TMEM217: variants seen among roughly 807,000 people sequenced by gnomAD.
TMEM217 encodes the protein chromosome 6 open reading frame 128.
For missense variants in TMEM217, 204 were observed against 248.8 expected (o/e 0.82, Z 1.21); for synonymous variants, 76 against 88.3 (o/e 0.86, Z 0.78).
intron 1 of TMEM217, among the ~76,000 whole-genome samples, chr6:37,246,696 A>T (rs2113907441): frequency 6.6e-6 from 1 of 152,228 alleles, no homozygotes; most frequent in Non-Finnish European, 1.5e-5. Context: ...TGAGCTCAGG[A>T]GTTTGAGACT....
intron 1 of TMEM217, among the ~76,000 whole-genome samples, chr6:37,227,679 C>T (rs1311912103): frequency 1.3e-5 from 2 of 151,976 alleles, no homozygotes; most frequent in African/African-American, 2.4e-5. Context: ...CTCCTGACCT[C>T]GTGATCCACC....
At position 37,244,491 on chromosome 6, in the gene TMEM217, A is replaced by G. The variant is rs542702992; in HGVS notation, c.-12+13077T>C. ...AATCCTTGGCCTATAAACATGTTGA[A>G]GTCTCGTCTACCTCAACTTCTCCCT... On this transcript the variant is annotated intron_variant, in intron 1 of 1. Coordinates refer to ENST00000357219, the Ensembl canonical transcript of TMEM217. Among the ~76,000 whole-genome samples, 7 of 152,368 alleles carry G rather than the reference A, an allele frequency of 4.6e-5. No individual in the cohort carries two copies. In the East Asian group the frequency reaches 1.3e-3, roughly 29 times the overall value.
intron 1 of TMEM217, among the ~76,000 whole-genome samples, chr6:37,252,635 A>AT (rs1489045294): frequency 7.6e-4 from 46 of 60,378 alleles, no homozygotes; most frequent in African/African-American, 2.0e-3. Context: ...ATATATATAT[A>AT]TATTTTTTTT....
chr6:37,218,623 T>C, exon 2 of TMEM217: 2 of 1,614,242 alleles, frequency 1.2e-6, no homozygotes, highest in African/African-American at 1.3e-5. Flanking sequence ...AGTGCATGAC[T>C]GTACGAGACA....
chr6:37,248,146 T>C (rs541186432), intron 1 of TMEM217, among the ~76,000 whole-genome samples: 4 of 152,292 alleles, frequency 2.6e-5, no homozygotes, highest in East Asian at 1.9e-4. Flanking sequence ...CTCCACTCTG[T>C]GTCTTCTTAG....
chr6:37,246,758 A>G (rs1433148755), intron 1 of TMEM217, among the ~76,000 whole-genome samples: 1 of 152,110 alleles, frequency 6.6e-6, no homozygotes, highest in Non-Finnish European at 1.5e-5. Context: ...TTTAAAAATT[A>G]GCTGATGTGG....
At chr6:37,247,392 T>C (rs1466491854) in intron 1 of TMEM217, among the ~76,000 whole-genome samples, 2 of 145,324 alleles carry the variant, frequency 1.4e-5, no homozygotes, top group East Asian at 3.9e-4. Flanking sequence ...TTTTTTACTT[T>C]TTTTTTTTTT....
downstream of TMEM217, chr6:37,215,250 G>T (rs72849694): frequency 0.021 from 33,260 of 1,613,786 alleles, 399 homozygotes; most frequent in Non-Finnish European, 0.023. Context: ...GCTTGGCACT[G>T]GAGACAGACA....
rs562205766 is a variant in TMEM217 at position 37,217,990 on chromosome 6, C to A, written c.*432G>T. The stretch of plus-strand genomic sequence containing the variant: ...AGGATGTTCCGGTTGTGATTATAAT[C>A]ACATTTTCTCTTCATGTTCTCCTGA... On this transcript the variant is annotated 3_prime_UTR_variant, in exon 2 of 2. Coordinates refer to ENST00000357219, the Ensembl canonical transcript of TMEM217. 8 of 989,522 alleles carry A rather than the reference C, an allele frequency of 8.1e-6. 1 individual carries two copies. The East Asian group carries it at 9.0e-4, about 111-fold the overall frequency. 61.3% of individuals were successfully genotyped at this position (989,522 alleles called of 1,614,324 possible).
intron 1 of TMEM217, among the ~76,000 whole-genome samples, chr6:37,240,612 G>C (rs1195176910): frequency 6.6e-6 from 1 of 152,164 alleles, no homozygotes; most frequent in Non-Finnish European, 1.5e-5. Context: ...GGGGACTATG[G>C]GGAGAGGACA....
At chr6:37,236,221 A>G (rs930939961) in intron 1 of TMEM217, among the ~76,000 whole-genome samples, 3 of 152,028 alleles carry the variant, frequency 2.0e-5, no homozygotes, top group African/African-American at 2.4e-5. Flanking sequence ...TCCTGGGCTC[A>G]AGTGATTCTC....
At chr6:37,230,984 T>C (rs1764171719) in intron 1 of TMEM217, among the ~76,000 whole-genome samples, 1 of 152,160 alleles carries the variant, frequency 6.6e-6, no homozygotes, top group South Asian at 2.1e-4. Context: ...AGTTAGGCTA[T>C]GGGATTAAAC....
At chr6:37,251,813 A>G (rs1447167632) in intron 1 of TMEM217, among the ~76,000 whole-genome samples, 1 of 152,178 alleles carries the variant, frequency 6.6e-6, no homozygotes, top group Non-Finnish European at 1.5e-5. Context: ...TATTTATTGC[A>G]GGAGATGGCA....
At chr6:37,213,811 T>A (rs1763037757), downstream of TMEM217, among the ~76,000 whole-genome samples, 1 of 152,224 alleles carries the variant, frequency 6.6e-6, no homozygotes, top group South Asian at 2.1e-4. Flanking sequence ...ATCTTCTTCT[T>A]ACTGGCTCCC....
At chr6:37,247,518 G>A (rs1765158458) in intron 1 of TMEM217, among the ~76,000 whole-genome samples, 1 of 151,896 alleles carries the variant, frequency 6.6e-6, no homozygotes, top group East Asian at 1.9e-4. Flanking sequence ...CTCCCAAGTA[G>A]CTGGGACTAC....
intron 1 of TMEM217, among the ~76,000 whole-genome samples, chr6:37,223,871 T>C (rs932472668): frequency 4.0e-5 from 6 of 151,836 alleles, no homozygotes; most frequent in African/African-American, 7.3e-5. Context: ...CAGGCCAGAA[T>C]GGAGTAATGC....
intron 1 of TMEM217, among the ~76,000 whole-genome samples, chr6:37,230,153 G>C (rs959330554): frequency 6.6e-6 from 1 of 152,174 alleles, no homozygotes; most frequent in African/African-American, 2.4e-5. Flanking sequence ...TCCTTCTCAC[G>C]CTTGGAATTT....
intron 1 of TMEM217, among the ~76,000 whole-genome samples, chr6:37,238,398 G>A (rs771975743): frequency 6.6e-6 from 1 of 152,172 alleles, no homozygotes; most frequent in Non-Finnish European, 1.5e-5. Flanking sequence ...AGCAGACACC[G>A]TTAGCTTCCT....
At chr6:37,257,839 C>A in exon 1 of TMEM217, 2 of 1,519,234 alleles carry the variant, frequency 1.3e-6, no homozygotes, top group Non-Finnish European at 1.8e-6. Context: ...CCTGGGTTGG[C>A]CCTCAGATTG....
Sources: gnomAD v4.1 joint callset for allele counts (sites outside exome capture counted in the v4.1 genomes callset) on GRCh38, gnomAD v4.1.1 for gene constraint, MANE v1.5 for transcripts, NCBI Gene and HGNC (gene_info 2026-07-23, HGNC 2026-07-21) for gene names.